JAZF1: variants seen among roughly 807,000 people sequenced by gnomAD.
JAZF1 encodes the protein juxtaposed with another zinc finger protein 1.
Under a neutral mutation model 26.4 loss-of-function variants are expected in JAZF1, and 8 were observed. That is an observed-to-expected ratio of 0.30 (90% confidence interval 0.18 to 0.55). JAZF1 has a LOEUF of 0.55. Among genes scored for constraint, JAZF1 ranks in the 20% least tolerant of loss-of-function variants. The pLI, the probability that JAZF1 is intolerant of heterozygous loss-of-function variation, is 0.94. For synonymous variants in JAZF1, 126 were observed against 122.3 expected (o/e 1.03, Z -0.20); for missense variants, 199 against 322.0 (o/e 0.62, Z 2.92).
At chr7:27,894,156 T>G (rs764910008) in intron 3 of JAZF1, among the ~76,000 whole-genome samples, 1 of 152,172 alleles carries the variant, frequency 6.6e-6, no homozygotes, top group Non-Finnish European at 1.5e-5. Context: ...TGTAAGCTCC[T>G]GAGGTCAGGG....
intron 1 of JAZF1, among the ~76,000 whole-genome samples, chr7:28,153,601 C>T (rs1562605231): frequency 1.3e-5 from 2 of 152,232 alleles, no homozygotes; most frequent in Non-Finnish European, 2.9e-5. Context: ...TGCAGCCATA[C>T]TGAACAAACC....
chr7:28,045,834 A>C (rs1235134217), intron 1 of JAZF1, among the ~76,000 whole-genome samples: 1 of 152,196 alleles, frequency 6.6e-6, no homozygotes, highest in African/African-American at 2.4e-5. Context: ...TTGGCCTCCC[A>C]AAGTGCTGGG....
At chr7:27,874,531 A>G (rs1562514787) in intron 3 of JAZF1, among the ~76,000 whole-genome samples, 1 of 152,204 alleles carries the variant, frequency 6.6e-6, no homozygotes, top group Admixed American at 6.5e-5. Flanking sequence ...ATTTATGAGA[A>G]TCAGATCATT....
chr7:28,180,222 G>GCCGC (rs1242894654), intron 1 of JAZF1: 1 of 64,382 alleles, frequency 1.6e-5, no homozygotes, highest in Non-Finnish European at 3.1e-5. Flanking sequence ...GAGTCCCCCA[G>GCCGC]CCGCCCGCCC....
At chr7:27,877,267 C>G (rs1457246583) in intron 3 of JAZF1, among the ~76,000 whole-genome samples, 4 of 152,150 alleles carry the variant, frequency 2.6e-5, no homozygotes, top group African/African-American at 9.7e-5. Context: ...AGAGGTCAAG[C>G]CTTCTCTGAG....
intron 3 of JAZF1, among the ~76,000 whole-genome samples, chr7:27,849,744 T>TACACACACACACACACAC (rs1199710288): frequency 2.6e-4 from 14 of 53,526 alleles, no homozygotes; most frequent in African/African-American, 1.2e-3. Flanking sequence ...TTGGAACCCT[T>TACACACACACACACACAC]ACACACAGAC....
At chr7:27,936,586 A>G (rs1784765801) in intron 2 of JAZF1, among the ~76,000 whole-genome samples, 1 of 152,226 alleles carries the variant, frequency 6.6e-6, no homozygotes, top group South Asian at 2.1e-4. Context: ...TGCATGCTAC[A>G]TGGTTATATC....
intron 3 of JAZF1, among the ~76,000 whole-genome samples, chr7:27,876,447 A>G (rs531493168): frequency 6.6e-6 from 1 of 152,228 alleles, no homozygotes; most frequent in East Asian, 1.9e-4. Context: ...TTCTCCCTCC[A>G]GAGTGCACGT....
intron 3 of JAZF1, among the ~76,000 whole-genome samples, chr7:27,857,677 T>C (rs1165044597): frequency 6.6e-6 from 1 of 152,200 alleles, no homozygotes; most frequent in Non-Finnish European, 1.5e-5. Flanking sequence ...AAAAGGACTT[T>C]GACAAAATTC....
intron 1 of JAZF1, among the ~76,000 whole-genome samples, chr7:28,173,490 G>A (rs1478056064): frequency 6.6e-6 from 1 of 152,070 alleles, no homozygotes; most frequent in East Asian, 1.9e-4. Flanking sequence ...ATTTATATAT[G>A]TGTTAGATAT....
Position 27,840,570 on chromosome 7 carries a change from A to C in JAZF1, c.555+128T>G. On this transcript the variant is annotated intron_variant, in intron 4 of 4. Coordinates refer to ENST00000283928, the MANE Select transcript of JAZF1 (RefSeq NM_175061.4). This position sits in a 1 kb window ranked among gnomAD's most constrained non-coding sequence, Gnocchi z 5.1. ...CACAGGGGTGAGGCCCACGCACTCT[A>C]ATGCAGGAGAGGGGAGTGTCTCCCC... The C allele has an allele frequency of 2.1e-6, 2 of 963,212 alleles. No individual in the cohort carries two copies. The highest frequency in any genetic ancestry group is 3.2e-6 in the Non-Finnish European group (2 of 628,914). 59.7% of individuals were successfully genotyped at this position (963,212 alleles called of 1,614,324 possible).
intron 1 of JAZF1, among the ~76,000 whole-genome samples, chr7:28,170,294 CAT>C (rs1783434881): frequency 6.7e-6 from 1 of 150,130 alleles, no homozygotes; most frequent in African/African-American, 2.5e-5. Context: ...AACATAATTA[CAT>C]GATTTTAATT....
At chr7:27,904,108 T>G (rs1386078687) in intron 2 of JAZF1, among the ~76,000 whole-genome samples, 1 of 152,148 alleles carries the variant, frequency 6.6e-6, no homozygotes, top group African/African-American at 2.4e-5. Flanking sequence ...GCTGTTACTA[T>G]GCAATCCAGG....
chr7:28,005,223 C>G (rs1460607892), intron 1 of JAZF1, among the ~76,000 whole-genome samples: 1 of 152,058 alleles, frequency 6.6e-6, no homozygotes, highest in Non-Finnish European at 1.5e-5. Flanking sequence ...TTCTGTGGTT[C>G]AGAATTTTCT....
At chr7:28,040,644 G>C (rs928618061) in intron 1 of JAZF1, among the ~76,000 whole-genome samples, 3 of 152,080 alleles carry the variant, frequency 2.0e-5, no homozygotes, top group Non-Finnish European at 4.4e-5. Context: ...TGAGGGTGTC[G>C]GGGTGTAGAA....
intron 1 of JAZF1, among the ~76,000 whole-genome samples, chr7:28,057,188 G>A (rs1441835386): frequency 6.6e-6 from 1 of 152,252 alleles, no homozygotes; most frequent in East Asian, 1.9e-4. Flanking sequence ...CCACGCCTTA[G>A]TAAACAATTT....
At chr7:28,165,664 G>A (rs749733189) in intron 1 of JAZF1, among the ~76,000 whole-genome samples, 12 of 152,070 alleles carry the variant, frequency 7.9e-5, no homozygotes, top group Non-Finnish European at 1.5e-4. Context: ...TGCCCCAATG[G>A]CTCATTCACT....
chr7:27,923,358 G>A (rs549370161), intron 2 of JAZF1, among the ~76,000 whole-genome samples: 1 of 152,192 alleles, frequency 6.6e-6, no homozygotes, highest in Non-Finnish European at 1.5e-5. Flanking sequence ...AAGTGCTCTC[G>A]GCATGAACTG....
Position 28,147,840 on chromosome 7 carries a change from A to AT in JAZF1, c.115+32622dup, listed in dbSNP as rs555113786. ...GGAAGGATCACCTGAACATGGGGAG[A>AT]TTGAGGCTGCAGTGAGCACTGATTG... is the stretch of plus-strand genomic sequence containing the variant. On this transcript the variant is annotated intron_variant, in intron 1 of 4. Coordinates refer to ENST00000283928, the MANE Select transcript of JAZF1 (RefSeq NM_175061.4). Among the ~76,000 whole-genome samples, 4 of 151,988 alleles carry AT rather than the reference A, an allele frequency of 2.6e-5. No individual in the cohort carries two copies. In the East Asian group the frequency reaches 7.7e-4, roughly 29 times the overall value.
Sources: allele counts gnomAD v4.1 joint callset (sites outside exome capture counted in the v4.1 genomes callset), GRCh38; gene constraint gnomAD v4.1.1; non-coding constraint Gnocchi (gnomAD v3.1); transcripts MANE v1.5; gene names NCBI Gene and HGNC (gene_info 2026-07-23, HGNC 2026-07-21).